SNAP91: variants seen among roughly 807,000 people sequenced by gnomAD.
The protein encoded by SNAP91 is clathrin coat assembly protein AP180.
SNAP91 carries 27 observed loss-of-function variants against 100.3 expected under a neutral mutation model. The ratio of observed to expected loss-of-function variants is 0.27; its 90% CI spans 0.20 to 0.37. The LOEUF (loss-of-function observed/expected upper bound fraction) is 0.37, where lower values mean the gene tolerates loss of function less well. Among genes scored for constraint, SNAP91 ranks in the 10% least tolerant of loss-of-function variants. SNAP91 has a pLI of 1.00. For missense variants in SNAP91, 986 were observed against 1,123.7 expected (o/e 0.88, Z 1.75); for synonymous variants, 404 against 398.6 (o/e 1.01, Z -0.16).
intron 2 of SNAP91, chr6:83,686,783 G>C (rs954128817): frequency 6.6e-6 from 1 of 152,112 alleles, no homozygotes; most frequent in Non-Finnish European, 1.5e-5. Context: ...CTTTACTGCT[G>C]TTTCCCATGA....
chr6:83,662,196 T>C (rs1465646149), intron 4 of SNAP91, 151 bp downstream of exon 4: 10 of 312,860 alleles, frequency 3.2e-5, no homozygotes, highest in Non-Finnish European at 6.0e-5. Flanking sequence ...GAGTTGTCTA[T>C]AATTAAATAT....
intron 2 of SNAP91, among the ~76,000 whole-genome samples, chr6:83,666,714 G>T (rs1014764412): frequency 6.6e-6 from 1 of 152,020 alleles, no homozygotes; most frequent in African/African-American, 2.4e-5. Flanking sequence ...GATCAAGGCA[G>T]GCTTATTTCT....
At chr6:83,691,860 T>G (rs773189585) in intron 2 of SNAP91, among the ~76,000 whole-genome samples, 3 of 152,168 alleles carry the variant, frequency 2.0e-5, no homozygotes, top group Admixed American at 2.0e-4. Context: ...CAACAATCTA[T>G]ACTAATAAAG....
chr6:83,556,136 T>A lies in SNAP91; in HGVS notation c.*10+7A>T, dbSNP rs763782540. ...CAAGCCTACAGGAAAAGCTCAATAT[T>A]AGATACCTTAAATTGTTTACAAGAA... On this transcript the variant is annotated splice_region_variant and intron_variant, in intron 29 of 29. Coordinates refer to ENST00000369694, the MANE Select transcript of SNAP91 (RefSeq NM_001242792.2). 6.8e-7 allele frequency: 1 copy of A among 1,474,880 alleles called. No homozygotes were observed. The highest frequency in any genetic ancestry group is 1.2e-5 in the South Asian group (1 of 82,600). 91.4% of individuals were successfully genotyped at this position (1,474,880 alleles called of 1,614,324 possible).
intron 2 of SNAP91, among the ~76,000 whole-genome samples, chr6:83,701,393 G>A (rs911357934): frequency 6.6e-6 from 1 of 151,692 alleles, no homozygotes; most frequent in African/African-American, 2.4e-5. Flanking sequence ...ACCAAGCAGG[G>A]AGAGACCTAG....
intron 24 of SNAP91, among the ~76,000 whole-genome samples, chr6:83,579,693 C>T (rs966585599): frequency 1.3e-5 from 2 of 152,302 alleles, no homozygotes; most frequent in Non-Finnish European, 2.9e-5. Context: ...CTGGATGTCC[C>T]TTGAATCTGC....
chr6:83,644,771 T>C (rs1221980040), intron 7 of SNAP91, among the ~76,000 whole-genome samples: 1 of 152,184 alleles, frequency 6.6e-6, no homozygotes, highest in Non-Finnish European at 1.5e-5. Flanking sequence ...TGAAGATTTA[T>C]AGCACCAATA....
chr6:83,675,150 TAAGAA>T (rs2098843205), intron 2 of SNAP91, among the ~76,000 whole-genome samples: 1 of 152,112 alleles, frequency 6.6e-6, no homozygotes, highest in Non-Finnish European at 1.5e-5. Context: ...ATAGGGCAAG[TAAGAA>T]AAGAATAGAC....
At chr6:83,605,229 A>G (rs1448722596) in intron 14 of SNAP91, among the ~76,000 whole-genome samples, 1 of 152,158 alleles carries the variant, frequency 6.6e-6, no homozygotes, top group Admixed American at 6.5e-5. Flanking sequence ...GAAGTCAAAT[A>G]CAATGTGAAT....
intron 14 of SNAP91, among the ~76,000 whole-genome samples, chr6:83,602,236 A>G (rs754136274): frequency 3.9e-5 from 6 of 152,184 alleles, no homozygotes; most frequent in Non-Finnish European, 5.9e-5. Context: ...TACATGCACA[A>G]TTTAAATTAA....
intron 2 of SNAP91, among the ~76,000 whole-genome samples, chr6:83,695,525 G>A (rs1456538726): frequency 6.6e-6 from 1 of 151,904 alleles, no homozygotes; most frequent in Non-Finnish European, 1.5e-5. Context: ...AAATTTGGGG[G>A]AAACAAAACA....
At chr6:83,680,760 C>A (rs1473358437) in intron 2 of SNAP91, among the ~76,000 whole-genome samples, 1 of 152,078 alleles carries the variant, frequency 6.6e-6, no homozygotes, top group African/African-American at 2.4e-5. Context: ...GCATCCCTAA[C>A]CACCACCCAC....
At chr6:83,563,993 G>A (rs1792575226) in intron 26 of SNAP91, among the ~76,000 whole-genome samples, 1 of 152,032 alleles carries the variant, frequency 6.6e-6, no homozygotes, top group African/African-American at 2.4e-5. Flanking sequence ...TGGAGAAATG[G>A]ATAATCTGAA....
intron 9 of SNAP91, among the ~76,000 whole-genome samples, chr6:83,621,365 T>G (rs1017493510): frequency 1.1e-4 from 16 of 152,124 alleles, no homozygotes; most frequent in African/African-American, 3.6e-4. Context: ...ATATTGAAAT[T>G]TATGTGGCGC....
intron 8 of SNAP91, among the ~76,000 whole-genome samples, chr6:83,632,200 T>G (rs1207525166): frequency 6.6e-6 from 1 of 152,132 alleles, no homozygotes; most frequent in Non-Finnish European, 1.5e-5. Context: ...GCTTGTAGGG[T>G]TTCTGCTGAG....
At chr6:83,629,845 G>T (rs217338) in intron 8 of SNAP91, among the ~76,000 whole-genome samples, 119,385 of 151,932 alleles carry the variant, frequency 0.79, 47,245 homozygotes, top group African/African-American at 0.87. Context: ...ATGCCATTTC[G>T]TACTCTTGTT....
chr6:83,653,469 CT>C (rs535703639), intron 7 of SNAP91, among the ~76,000 whole-genome samples: 17 of 152,094 alleles, frequency 1.1e-4, no homozygotes, highest in Admixed American at 1.0e-3. Context: ...CTTTTTAGTT[CT>C]TTTTTAGGAT....
At chr6:83,688,751 C>T (rs1477380052) in intron 2 of SNAP91, among the ~76,000 whole-genome samples, 1 of 152,160 alleles carries the variant, frequency 6.6e-6, no homozygotes, top group Non-Finnish European at 1.5e-5. Context: ...GATCCACCCA[C>T]TTCAGCCTCC....
intron 3 of SNAP91, among the ~76,000 whole-genome samples, chr6:83,663,821 C>T (rs1440998831): frequency 6.6e-6 from 1 of 152,058 alleles, no homozygotes; most frequent in Admixed American, 6.6e-5. Context: ...GAAGAAGATG[C>T]CATCTAGAAC....
Sources: gnomAD v4.1 joint callset for allele counts (sites outside exome capture counted in the v4.1 genomes callset) on GRCh38, gnomAD v4.1.1 for gene constraint, MANE v1.5 for transcripts, NCBI Gene and HGNC (gene_info 2026-07-23, HGNC 2026-07-21) for gene names.